The following PCDHA7 variants were observed in gnomAD, a reference collection of about 807,000 sequenced individuals.
The protein encoded by PCDHA7 is protocadherin alpha 7.
PCDHA7 carries 37 observed loss-of-function variants against 57.2 expected under a neutral mutation model. The ratio of observed to expected loss-of-function variants is 0.65; its 90% CI spans 0.50 to 0.85. The LOEUF is 0.85. Among genes scored for constraint, PCDHA7 ranks in the 40% least tolerant of loss-of-function variants. The pLI, the probability that PCDHA7 is intolerant of heterozygous loss-of-function variation, is 0.00. For synonymous variants in PCDHA7, 553 were observed against 558.8 expected, an observed-to-expected ratio of 0.99 and a Z score of 0.15; for missense variants, 1,188 against 1,241.8, an observed-to-expected ratio of 0.96 and a Z score of 0.65.
chr5:140,902,637 C>T (rs1554190530), intron 1 of PCDHA7, among the ~76,000 whole-genome samples: 1 of 151,910 alleles, frequency 6.6e-6, no homozygotes, highest in Non-Finnish European at 1.5e-5. Context: ...GTGGTGATTT[C>T]TGAGATTTTG....
rs548394870 is a variant in PCDHA7 at position 140,927,042 on chromosome 5, G to A, written c.2356-51907G>A. ...ACTTGAGGCTGCCAGCGGCCGCTATGTCCTCGCGGAACTTTCGCTTCCTTT... is the reference window on the plus strand; with the variant it reads ...ACTTGAGGCTGCCAGCGGCCGCTATATCCTCGCGGAACTTTCGCTTCCTTT... On this transcript the variant is annotated intron_variant, in intron 1 of 3. Transcript: ENST00000525929. The A allele has an allele frequency of 1.4e-4, 226 of 1,612,386 alleles. 8 individuals are homozygous for A. The South Asian group carries it at 2.4e-3, about 17-fold the overall frequency.
intron 3 of PCDHA7, among the ~76,000 whole-genome samples, chr5:140,998,569 G>GTT (rs71574497): frequency 0.068 from 10,108 of 149,316 alleles, 392 homozygotes; most frequent in Middle Eastern, 0.14. Flanking sequence ...TTGTAAATAA[G>GTT]TTTTTTTTTT....
chr5:140,849,354 C>T (rs2150435747), intron 1 of PCDHA7: 1 of 1,448,176 alleles, frequency 6.9e-7, no homozygotes, highest in Admixed American at 2.0e-5. Flanking sequence ...TGATGTTTCT[C>T]CAGATATAAA....
chr5:140,859,875 T>G (rs1554152798), intron 1 of PCDHA7: 1 of 152,066 alleles, frequency 6.6e-6, no homozygotes, highest in East Asian at 1.9e-4. Flanking sequence ...CTTCCCCCTC[T>G]GATATTTTGA....
intron 1 of PCDHA7, chr5:140,869,731 T>C (rs1554163388): frequency 6.2e-7 from 1 of 1,613,416 alleles, no homozygotes. Flanking sequence ...GGAACTTAAT[T>C]TGCTGCTAAC....
chr5:140,891,970 C>G (rs1554185021), intron 1 of PCDHA7, among the ~76,000 whole-genome samples: 1 of 152,170 alleles, frequency 6.6e-6, no homozygotes, highest in East Asian at 1.9e-4. Flanking sequence ...AGTAAATTTC[C>G]GTTCTCATAA....
chr5:140,985,504 A>G (rs1368014181), intron 3 of PCDHA7, among the ~76,000 whole-genome samples: 2 of 152,170 alleles, frequency 1.3e-5, no homozygotes, highest in Non-Finnish European at 2.9e-5. Context: ...CCTGCCTTTC[A>G]TTGATTCTGT....
At chr5:140,965,496 ATT>A (rs71766133) in intron 1 of PCDHA7, among the ~76,000 whole-genome samples, 87 of 146,352 alleles carry the variant, frequency 5.9e-4, no homozygotes, top group Middle Eastern at 3.6e-3. Context: ...ATGACAGCAG[ATT>A]TTTTTTTTTT....
chr5:140,841,156 C>T (rs1399343439), intron 1 of PCDHA7: 2 of 850,602 alleles, frequency 2.4e-6, no homozygotes, highest in East Asian at 2.7e-5. Context: ...CGCTGTCTAC[C>T]AAGAAGTTCT....
chr5:140,961,135 A>T (rs1554225235), intron 1 of PCDHA7, among the ~76,000 whole-genome samples: 2 of 152,186 alleles, frequency 1.3e-5, no homozygotes, highest in African/African-American at 4.8e-5. Flanking sequence ...TTGGCACTTA[A>T]GAGTTGGCAT....
At chr5:140,925,236 T>C (rs1398147161) in intron 1 of PCDHA7, among the ~76,000 whole-genome samples, 1 of 152,202 alleles carries the variant, frequency 6.6e-6, no homozygotes, top group African/African-American at 2.4e-5. Context: ...TACCAGAAAA[T>C]ATGTCCTGGA....
chr5:140,891,912 T>C (rs2063306720), intron 1 of PCDHA7, among the ~76,000 whole-genome samples: 1 of 152,244 alleles, frequency 6.6e-6, no homozygotes, highest in Admixed American at 6.5e-5. Context: ...CTTCACCAGA[T>C]GCTGGTGCCT....
chr5:140,877,969 A>G (rs2057419330), intron 1 of PCDHA7: 1 of 1,276,842 alleles, frequency 7.8e-7, no homozygotes, highest in African/African-American at 1.5e-5. Flanking sequence ...TTTCTTGGTC[A>G]TTCTTACTCA....
chr5:140,992,393 A>G (rs2097508684), intron 3 of PCDHA7, among the ~76,000 whole-genome samples: 1 of 152,180 alleles, frequency 6.6e-6, no homozygotes, highest in African/African-American at 2.4e-5. Context: ...TTCTGGACTT[A>G]GAGATATTGT....
chr5:140,982,224 A>G (rs893184323), intron 2 of PCDHA7: 8 of 587,202 alleles, frequency 1.4e-5, no homozygotes, highest in South Asian at 3.8e-5. Flanking sequence ...TGGCGTTAAT[A>G]AAAAACAGAA....
chr5:140,916,743 G>C (rs1355752854), intron 1 of PCDHA7, among the ~76,000 whole-genome samples: 1 of 152,156 alleles, frequency 6.6e-6, no homozygotes, highest in African/African-American at 2.4e-5. Context: ...AAGCTTCACT[G>C]CCTGGGATTA....
chr5:140,839,760 C>T (rs1554137571), intron 1 of PCDHA7, among the ~76,000 whole-genome samples: 1 of 151,820 alleles, frequency 6.6e-6, no homozygotes, highest in Admixed American at 6.6e-5. Flanking sequence ...CCTATTTAAC[C>T]TACGTTTTTG....
In PCDHA7 at chr5:140,874,972, G is replaced by A. The variant is rs2055201149; in HGVS notation, c.2355+38234G>A. On this transcript the variant is annotated intron_variant, in intron 1 of 3. Coordinates refer to ENST00000525929, the MANE Select transcript of PCDHA7 (RefSeq NM_018910.3). ...TTGTAAGCTATATAAGGGGAGGGGT[G>A]CTGTATATTATTCTGTATATCATTT... 2.6e-5 allele frequency among the ~76,000 whole-genome samples: 4 copies of A among 152,186 alleles called. No homozygotes were observed. In the South Asian group the frequency reaches 6.2e-4, roughly 24 times the overall value.
At chr5:140,866,033 A>T (rs934159305) in intron 1 of PCDHA7, 9 of 152,168 alleles carry the variant, frequency 5.9e-5, no homozygotes, top group African/African-American at 2.2e-4. Flanking sequence ...GTTCGTGATC[A>T]TCATTATCAT....
Sources: gnomAD v4.1 joint callset for allele counts (sites outside exome capture counted in the v4.1 genomes callset) on GRCh38, gnomAD v4.1.1 for gene constraint, MANE v1.5 for transcripts, NCBI Gene and HGNC (gene_info 2026-07-23, HGNC 2026-07-21) for gene names.